Variants in ADGRL1 observed in about 807,000 individuals in gnomAD.
The protein encoded by ADGRL1 is CIRL-1.
ADGRL1 carries 31 observed loss-of-function variants against 148.9 expected under a neutral mutation model. That is an observed-to-expected ratio of 0.21 (90% CI 0.16 to 0.28). The LOEUF is 0.28. Ranked by LOEUF, ADGRL1 falls within the 10% of genes least tolerant of loss-of-function variation. The probability of loss-of-function intolerance (pLI) is 1.00; values close to 1 mark genes in which losing one functional copy is unlikely to be tolerated. For synonymous variants in ADGRL1, 937 were observed against 900.3 expected, an observed-to-expected ratio of 1.04 and a Z score of -0.73; for missense variants, 1,521 against 2,058.8, an observed-to-expected ratio of 0.74 and a Z score of 5.05.
At chr19:14,167,912 GCCC>G (rs1970134075) in intron 4 of ADGRL1, among the ~76,000 whole-genome samples, 1 of 152,088 alleles carries the variant, frequency 6.6e-6, no homozygotes, top group African/African-American at 2.4e-5. Flanking sequence ...GCTCCGCCCT[GCCC>G]GCTGCCCTGC....
At chr19:14,156,567 G>GT (rs766748108) in intron 16 of ADGRL1, 91 bp downstream of exon 16, 81,742 of 800,788 alleles carry the variant, frequency 0.1, 3,033 homozygotes, top group Admixed American at 0.21. Context: ...GTGTGTGTGT[G>GT]GGGGGGGTGG....
At position 14,155,750 on chromosome 19, in the gene ADGRL1, G is replaced by A; in HGVS notation, c.3126-223C>T. The A allele has an allele frequency of 6.8e-6, 4 of 585,706 alleles. No homozygotes were observed. Among genetic ancestry groups the A allele is most frequent in the Non-Finnish European group, 1.2e-5 (4 of 329,354 alleles). 36.3% of individuals were successfully genotyped at this position (585,706 alleles called of 1,614,324 possible). On this transcript the variant is annotated intron_variant, in intron 17 of 22. Transcript: ENST00000361434. The surrounding 1 kb of genome is among the most constrained non-coding windows in gnomAD (Gnocchi z 5.0). The stretch of plus-strand genomic sequence containing the variant: ...ACTGGGTCAGGGGTCGGGGTATTGT[G>A]AACATCAGTTATTCCTCTGCCAACT...
chr19:14,202,958 GCAGA>G (rs888426410), intron 1 of ADGRL1, among the ~76,000 whole-genome samples: 16 of 152,152 alleles, frequency 1.1e-4, no homozygotes, highest in Admixed American at 5.2e-4. Flanking sequence ...ATGCACAGGT[GCAGA>G]CAGACAGACA....
Position 14,151,124 on chromosome 19 carries a change from G to A in ADGRL1, c.4159C>T (p.Arg1387Trp), listed in dbSNP as rs1030898650. 16 of 1,578,254 alleles carry A rather than the reference G, an allele frequency of 1.0e-5. No individual in the cohort carries two copies. Among genetic ancestry groups the A allele is most frequent in the African/African-American group, 2.7e-5 (2 of 74,170 alleles). ...CTGTCCGGGTAGGAGGGTGAGTCCC[G>A]CAGGTTGGCCCCGCTGGCATAGAGG... ...DSLYASGANLRDSPSYPDSSP... is the reference protein window; with the variant it reads ...DSLYASGANLWDSPSYPDSSP... Residue 1387 changes from arginine (R) to tryptophan (W), a missense_variant, in exon 23 of 23, where the codon CGG becomes TGG. Coordinates refer to ENST00000361434, the MANE Select transcript of ADGRL1 (RefSeq NM_014921.5).
At chr19:14,204,741 A>G (rs1035983690) in intron 1 of ADGRL1, among the ~76,000 whole-genome samples, 2 of 146,928 alleles carry the variant, frequency 1.4e-5, no homozygotes, top group Non-Finnish European at 3.0e-5. Context: ...AGAGAGAGAG[A>G]CAGACAGAGA....
intron 1 of ADGRL1, among the ~76,000 whole-genome samples, chr19:14,186,402 G>T (rs550921335): frequency 1.3e-5 from 2 of 152,290 alleles, no homozygotes; most frequent in Admixed American, 1.3e-4. Flanking sequence ...ACGTGGCAAT[G>T]AATTAATTAT....
chr19:14,158,599 G>A (rs377098304), intron 11 of ADGRL1, 47 bp from the exon 12 acceptor site: 228 of 1,494,068 alleles, frequency 1.5e-4, no homozygotes, highest in African/African-American at 2.1e-4. Context: ...CTCAGCTGGC[G>A]CACCTCCATC....
chr19:14,194,868 CTTCT>C (rs1640126102), intron 1 of ADGRL1, among the ~76,000 whole-genome samples: 1 of 151,170 alleles, frequency 6.6e-6, no homozygotes, highest in African/African-American at 2.4e-5. Flanking sequence ...TTTTTCTTTC[CTTCT>C]TTCTTCTCTT....
intron 1 of ADGRL1, among the ~76,000 whole-genome samples, chr19:14,197,668 G>A (rs1391386043): frequency 6.6e-6 from 1 of 152,132 alleles, no homozygotes; most frequent in Non-Finnish European, 1.5e-5. Flanking sequence ...CACTCTCACA[G>A]CACACAGGGT....
chr19:14,159,099 T>C lies in ADGRL1; in HGVS notation c.2140A>G (p.Ser714Gly). Residue 714 changes from serine (S) to glycine (G), a missense_variant, in exon 11 of 23, where the codon AGC (serine) becomes GGC (glycine). Ser to Gly is a moderately conservative substitution (Grantham distance 56, BLOSUM62 0). Around this residue, in one of 8 missense-constraint regions of ADGRL1, gnomAD observed 265 missense variants for 431.9 expected, o/e 0.61. Transcript: ENST00000361434. The surrounding 1 kb of genome is among the most constrained non-coding windows in gnomAD (Gnocchi z 6.0). Reference sequence around the variant, plus strand: ...CGCCGGGGACACTGACCATTGCGGCTGTTCTGCTTGATGGTTTTGGCAGAC... The same window carrying C: ...CGCCGGGGACACTGACCATTGCGGCCGTTCTGCTTGATGGTTTTGGCAGAC... ...QLSAKTIKQN[S>G]RNGVVKVVFI... 1.2e-6 allele frequency: 2 copies of C among 1,614,004 alleles called. No individual in the cohort carries two copies. Among genetic ancestry groups the C allele is most frequent in the Non-Finnish European group, 8.5e-7 (1 of 1,180,022 alleles).
Position 14,162,612 on chromosome 19 carries a change from T to G in ADGRL1, c.1189A>C (p.Ser397Arg). 3.1e-6 allele frequency: 5 copies of G among 1,604,612 alleles called. No homozygotes were observed. The highest frequency in any genetic ancestry group is 4.3e-6 in the Non-Finnish European group (5 of 1,173,434). ...YSLEFGPPDP[S>R]AGPATSPPLS... Reference sequence around the variant, plus strand: ...GGAAGTGAGTCGTCCTCACCAGCACTGGGGTCGGGCGGCCCGAACTCCAGG... The same window carrying G: ...GGAAGTGAGTCGTCCTCACCAGCACGGGGGTCGGGCGGCCCGAACTCCAGG... The change falls in exon 5 of 23, where the codon AGT (serine) becomes CGT (arginine). Residue 397 changes from serine to arginine, a missense_variant. Physicochemically the swap from Ser to Arg is moderately radical, Grantham distance 110. Coordinates refer to ENST00000361434, the MANE Select transcript of ADGRL1 (RefSeq NM_014921.5). The surrounding 1 kb of genome is among the most constrained non-coding windows in gnomAD (Gnocchi z 5.4).
In ADGRL1 at chr19:14,161,855, G is replaced by A. The variant is rs902937614; in HGVS notation, c.1196-229C>T. ...GTAGCAAAGAGTGGTAAAAATCCAC[G>A]ATGTGTACCATAAGGTCTGAGAGAA... On this transcript the variant is annotated intron_variant, in intron 5 of 22. Coordinates refer to ENST00000361434, the MANE Select transcript of ADGRL1 (RefSeq NM_014921.5). The surrounding 1 kb of genome is among the most constrained non-coding windows in gnomAD (Gnocchi z 4.4). Among the ~76,000 whole-genome samples the A allele has an allele frequency of 6.6e-6, 1 of 152,142 alleles. No individual in the cohort carries two copies. The highest frequency in any genetic ancestry group is 2.4e-5 in the African/African-American group (1 of 41,412).
intron 11 of ADGRL1, among the ~76,000 whole-genome samples, 183 bp downstream of exon 11, chr19:14,158,907 C>T (rs1420002040): frequency 6.6e-6 from 1 of 152,206 alleles, no homozygotes; most frequent in East Asian, 1.9e-4. Context: ...AGCTTTGCAA[C>T]TGTAAGGCTC....
intron 1 of ADGRL1, among the ~76,000 whole-genome samples, chr19:14,192,920 T>G (rs1196984487): frequency 6.6e-6 from 1 of 152,174 alleles, no homozygotes; most frequent in Non-Finnish European, 1.5e-5. Context: ...CCCCGACTCC[T>G]GTCTCCTGGT....
At chr19:14,170,844 G>A (rs1159734483) in intron 3 of ADGRL1, 53 bp from the exon 4 acceptor site, 13 of 860,998 alleles carry the variant, frequency 1.5e-5, no homozygotes, top group Admixed American at 1.2e-4. Context: ...GGGGTGGCGG[G>A]GGTGGGGGTG....
intron 1 of ADGRL1, among the ~76,000 whole-genome samples, chr19:14,201,347 C>A (rs1434690246): frequency 3.7e-5 from 5 of 135,090 alleles, no homozygotes; most frequent in South Asian, 2.3e-4. Context: ...TTATTTTTGG[C>A]CTGGGCATCT....
In ADGRL1 at chr19:14,155,433, C is replaced by T; in HGVS notation, c.3220G>A (p.Ala1074Thr). The T allele has an allele frequency of 6.2e-7, 1 of 1,614,146 alleles. No individual in the cohort carries two copies. The highest frequency in any genetic ancestry group is 8.5e-7 in the Non-Finnish European group (1 of 1,179,994). ...LFINKESVVM[A>T]YLFTTFNAFQ... Reference sequence around the variant, plus strand: ...GCGTTGAAGGTGGTGAAGAGATAGGCCATGACCACCGACTCCTTGTTGATG... The same window carrying T: ...GCGTTGAAGGTGGTGAAGAGATAGGTCATGACCACCGACTCCTTGTTGATG... The change falls in exon 18 of 23, where the codon GCC (alanine) becomes ACC (threonine). Residue 1074 changes from alanine (A) to threonine (T), a missense_variant. This residue lies in a region of ADGRL1 where 185 missense variants were observed against 251.7 expected (regional missense o/e 0.74). Transcript: ENST00000361434. This position sits in a 1 kb window ranked among gnomAD's most constrained non-coding sequence, Gnocchi z 5.0.
In ADGRL1 at chr19:14,160,610, T is replaced by C; in HGVS notation, c.1597A>G (p.Asn533Asp). The C allele has an allele frequency of 6.2e-7, 1 of 1,609,450 alleles. No homozygotes were observed. The stretch of plus-strand genomic sequence containing the variant: ...GCTGGTACCTTCTGGGCCACCTGGT[T>C]GACCCAGGGGGAGGTGCAGTTGCTG... ...DLSNCTSPWV[N>D]QVAQKIKSGE... Residue 533 changes from asparagine (N) to aspartate (D), a missense_variant, in exon 7 of 23, where the codon AAC (asparagine) becomes GAC (aspartate). Asn to Asp is a conservative substitution (Grantham distance 23). Around this residue, in one of 8 missense-constraint regions of ADGRL1, gnomAD observed 270 missense variants for 320.4 expected, o/e 0.84. Transcript: ENST00000361434. This position sits in a 1 kb window ranked among gnomAD's most constrained non-coding sequence, Gnocchi z 5.9.
chr19:14,153,533 A>G (rs546387259), intron 18 of ADGRL1, among the ~76,000 whole-genome samples: 1 of 149,494 alleles, frequency 6.7e-6, no homozygotes, highest in Non-Finnish European at 1.5e-5. Flanking sequence ...CTCCTGCCAC[A>G]GCCTCCTGAG....
Sources: allele counts gnomAD v4.1 joint callset (sites outside exome capture counted in the v4.1 genomes callset), GRCh38; gene constraint gnomAD v4.1.1; regional missense constraint gnomAD v4.1.1; non-coding constraint Gnocchi (gnomAD v3.1); transcripts MANE v1.5; gene names NCBI Gene and HGNC (gene_info 2026-07-23, HGNC 2026-07-21).